Variants in RBFOX1 observed in about 807,000 individuals in gnomAD.
RBFOX1 encodes the protein RNA binding fox-1 homolog 1.
In RBFOX1, 8 loss-of-function variants were observed where a neutral mutation model predicts 57.7. That is an observed-to-expected ratio of 0.14 (90% CI 0.08 to 0.25). The LOEUF (loss-of-function observed/expected upper bound fraction) is 0.25. RBFOX1 is among the 10% of genes least tolerant of loss of function. The pLI is 1.00. For missense variants in RBFOX1, 611 were observed against 548.5 expected (o/e 1.11, Z -1.14); for synonymous variants, 326 against 222.4 (o/e 1.47, Z -4.15).
At chr16:6,378,167 A>G (rs527783697) in intron 2 of RBFOX1, among the ~76,000 whole-genome samples, 1 of 152,294 alleles carries the variant, frequency 6.6e-6, no homozygotes, top group South Asian at 2.1e-4. Flanking sequence ...GTTGTTTGGG[A>G]GGAAGGCTGC....
chr16:5,648,337 A>G (rs2049116346), intron 3 of RBFOX1, among the ~76,000 whole-genome samples: 1 of 152,254 alleles, frequency 6.6e-6, no homozygotes, highest in Admixed American at 6.5e-5. Flanking sequence ...AAAAAACCAG[A>G]GTAAGAGAAT....
intron 1 of RBFOX1, among the ~76,000 whole-genome samples, chr16:5,286,668 T>C (rs1203481578): frequency 6.6e-6 from 1 of 152,200 alleles, no homozygotes; most frequent in Non-Finnish European, 1.5e-5. Flanking sequence ...TAGGCTAAAA[T>C]GATAAGCTCA....
intron 2 of RBFOX1, among the ~76,000 whole-genome samples, chr16:6,440,745 G>A (rs2094358909): frequency 6.7e-6 from 1 of 150,056 alleles, no homozygotes; most frequent in Admixed American, 6.7e-5. Flanking sequence ...AGGTTTCAAT[G>A]AGCCGAGATC....
chr16:5,735,613 T>A (rs2052542654), intron 3 of RBFOX1, among the ~76,000 whole-genome samples: 1 of 152,160 alleles, frequency 6.6e-6, no homozygotes, highest in African/African-American at 2.4e-5. Flanking sequence ...AGTACGTGCA[T>A]GGGCCGGGCC....
intron 3 of RBFOX1, among the ~76,000 whole-genome samples, chr16:6,864,610 G>C (rs1184180688): frequency 6.6e-6 from 1 of 150,448 alleles, no homozygotes; most frequent in Non-Finnish European, 1.5e-5. Context: ...TCAACGGCAG[G>C]ATATTTGAGA....
intron 2 of RBFOX1, among the ~76,000 whole-genome samples, chr16:6,451,221 A>G (rs950397733): frequency 6.6e-6 from 1 of 152,212 alleles, no homozygotes; most frequent in Non-Finnish European, 1.5e-5. Context: ...GCAAAATAGC[A>G]TGTTCTGAGG....
At chr16:5,589,229 G>T (rs1381765576) in intron 2 of RBFOX1, among the ~76,000 whole-genome samples, 1 of 152,172 alleles carries the variant, frequency 6.6e-6, no homozygotes, top group Non-Finnish European at 1.5e-5. Context: ...GGCGGTGGTG[G>T]AGGGAACATG....
At chr16:7,348,193 A>G (rs980190315) in intron 4 of RBFOX1, among the ~76,000 whole-genome samples, 1 of 152,248 alleles carries the variant, frequency 6.6e-6, no homozygotes, top group Admixed American at 6.5e-5. Context: ...ATATATGCAT[A>G]TACCACATAG....
chr16:6,798,655 T>A (rs939069966), intron 3 of RBFOX1, among the ~76,000 whole-genome samples: 24 of 152,220 alleles, frequency 1.6e-4, no homozygotes, highest in Non-Finnish European at 3.1e-4. Context: ...GCAAATGTGC[T>A]TTTTTGGCTT....
At chr16:5,571,270 G>T (rs998726993) in intron 2 of RBFOX1, among the ~76,000 whole-genome samples, 7 of 138,896 alleles carry the variant, frequency 5.0e-5, no homozygotes, top group Admixed American at 2.4e-4. Context: ...ACCCAGGCTG[G>T]AGTGCAGTGT....
intron 4 of RBFOX1, among the ~76,000 whole-genome samples, chr16:7,462,501 C>G (rs1037291592): frequency 4.6e-5 from 7 of 152,160 alleles, no homozygotes. Flanking sequence ...AAAACAAAAA[C>G]AAAACAAACA....
chr16:5,959,298 T>C (rs1367367267), intron 4 of RBFOX1, among the ~76,000 whole-genome samples: 1 of 152,178 alleles, frequency 6.6e-6, no homozygotes, highest in Non-Finnish European at 1.5e-5. Context: ...CCCAGCCCAC[T>C]TTCCAATTCC....
chr16:5,432,413 G>T (rs1002628802), intron 1 of RBFOX1, among the ~76,000 whole-genome samples: 14 of 152,064 alleles, frequency 9.2e-5, no homozygotes, highest in African/African-American at 3.4e-4. Flanking sequence ...TTAACTAGAA[G>T]ACGCACCCGT....
At chr16:6,655,769 T>C (rs2098646262) in intron 3 of RBFOX1, among the ~76,000 whole-genome samples, 1 of 152,140 alleles carries the variant, frequency 6.6e-6, no homozygotes, top group African/African-American at 2.4e-5. Context: ...GTTTGAAAGA[T>C]GTTTCTCCTT....
intron 2 of RBFOX1, among the ~76,000 whole-genome samples, chr16:6,494,241 G>A (rs995766590): frequency 4.6e-5 from 7 of 152,136 alleles, no homozygotes; most frequent in African/African-American, 1.7e-4. Flanking sequence ...TTACTTGCAC[G>A]TATTTGTGTG....
At chr16:6,054,999 G>C (rs2095597689) in intron 1 of RBFOX1, among the ~76,000 whole-genome samples, 1 of 152,030 alleles carries the variant, frequency 6.6e-6, no homozygotes. Flanking sequence ...GGCCAGGATT[G>C]TCTTGATTTA....
At chr16:7,370,871 G>C (rs1305248667) in intron 4 of RBFOX1, among the ~76,000 whole-genome samples, 2 of 152,216 alleles carry the variant, frequency 1.3e-5, no homozygotes, top group African/African-American at 4.8e-5. Context: ...TGACATTTAT[G>C]CATAAAATGC....
intron 3 of RBFOX1, among the ~76,000 whole-genome samples, chr16:6,755,376 C>CT (rs1194710267): frequency 6.6e-6 from 1 of 152,116 alleles, no homozygotes; most frequent in Non-Finnish European, 1.5e-5. Flanking sequence ...TGTTTCCTGA[C>CT]TTTTTAATGA....
intron 2 of RBFOX1, among the ~76,000 whole-genome samples, chr16:6,607,417 C>CCTCTCTCT (rs58726712): frequency 2.1e-5 from 3 of 143,932 alleles, no homozygotes; most frequent in Admixed American, 7.0e-5. Flanking sequence ...CAGTCTCTCT[C>CCTCTCTCT]CTCTCTCTCT....
Sources: gnomAD v4.1 joint callset for allele counts (sites outside exome capture counted in the v4.1 genomes callset) on GRCh38, gnomAD v4.1.1 for gene constraint, MANE v1.5 for transcripts, NCBI Gene and HGNC (gene_info 2026-07-23, HGNC 2026-07-21) for gene names.